SP1: variants seen among roughly 807,000 people sequenced by gnomAD.
SP1 encodes Sp1 transcription factor.
In SP1, 6 loss-of-function variants were observed where a neutral mutation model predicts 66.3. The ratio of observed to expected loss-of-function variants is 0.09; its 90% CI spans 0.05 to 0.18. SP1 has a LOEUF of 0.18. Ranked by LOEUF, SP1 falls within the 10% of genes least tolerant of loss-of-function variation. SP1 has a pLI of 1.00. For missense variants in SP1, 848 were observed against 964.5 expected (o/e 0.88, Z 1.60); for synonymous variants, 417 against 360.8 (o/e 1.16, Z -1.77).
intron 3 of SP1, among the ~76,000 whole-genome samples, chr12:53,392,582 C>T (rs550597272): frequency 2.0e-5 from 3 of 151,672 alleles, no homozygotes; most frequent in Admixed American, 2.0e-4. Flanking sequence ...TGGTCTCGAT[C>T]TCCTGACCTC....
At chr12:53,403,907 C>T (rs1938668118) in intron 3 of SP1, among the ~76,000 whole-genome samples, 1 of 151,932 alleles carries the variant, frequency 6.6e-6, no homozygotes, top group African/African-American at 2.4e-5. Context: ...CACGGTGGCT[C>T]ACGCCTGTAA....
In SP1 at chr12:53,380,228, T is replaced by C. The variant is rs999897981; in HGVS notation, c.-64T>C. ...TCGCTTGCCTCGTCAGCGTCCGCGT[T>C]TTTCCCGGCCCCCCCCAACCCCCCC... is the stretch of plus-strand genomic sequence containing the variant. On this transcript the variant is annotated 5_prime_UTR_variant, in exon 1 of 6. Transcript: ENST00000327443. 1 of 1,267,386 alleles carries C rather than the reference T, an allele frequency of 7.9e-7. No homozygotes were observed. The highest frequency in any genetic ancestry group is 1.5e-5 in the African/African-American group (1 of 68,016). 78.5% of individuals were successfully genotyped at this position (1,267,386 alleles called of 1,614,324 possible).
At chr12:53,392,347 A>AT (rs574953864) in intron 3 of SP1, among the ~76,000 whole-genome samples, 1,319 of 85,344 alleles carry the variant, frequency 0.015, 65 homozygotes, top group Non-Finnish European at 0.018. Context: ...CACCTGGCTA[A>AT]TTTTTTTTTT....
intron 3 of SP1, among the ~76,000 whole-genome samples, chr12:53,387,068 A>G (rs1938246687): frequency 6.6e-6 from 1 of 150,548 alleles, no homozygotes; most frequent in African/African-American, 2.5e-5. Context: ...CTTCTGCCTC[A>G]GCCTCCCGAG....
At chr12:53,390,225 C>T (rs1314066927) in intron 3 of SP1, among the ~76,000 whole-genome samples, 1 of 152,020 alleles carries the variant, frequency 6.6e-6, no homozygotes, top group South Asian at 2.1e-4. Context: ...AATGTTTCTG[C>T]GTCTTTTGTC....
chr12:53,384,345 C>T (rs1310733009), intron 3 of SP1, among the ~76,000 whole-genome samples: 4 of 151,028 alleles, frequency 2.6e-5, no homozygotes, highest in Non-Finnish European at 4.4e-5. Flanking sequence ...AGTGCAGTGG[C>T]GTGATCTCGG....
intron 1 of SP1, 98 bp from the exon 2 acceptor site, chr12:53,381,561 G>C: frequency 1.7e-6 from 2 of 1,145,712 alleles, no homozygotes; most frequent in Non-Finnish European, 2.4e-6. Flanking sequence ...TCGCCTTCCT[G>C]TTAGTCATTG....
At chr12:53,391,126 AAAGC>A (rs1269615428) in intron 3 of SP1, among the ~76,000 whole-genome samples, 37 of 152,126 alleles carry the variant, frequency 2.4e-4, no homozygotes, top group African/African-American at 8.9e-4. Context: ...ATTTAATAGA[AAAGC>A]AAGCACATTA....
intron 3 of SP1, among the ~76,000 whole-genome samples, chr12:53,397,464 AT>A (rs62722560): frequency 0.11 from 15,446 of 137,256 alleles, 2,598 homozygotes; most frequent in African/African-American, 0.38. Context: ...TAATATAGTA[AT>A]TTTTTTTTTT....
intron 3 of SP1, among the ~76,000 whole-genome samples, chr12:53,384,667 T>G (rs913284344): frequency 6.6e-6 from 1 of 152,190 alleles, no homozygotes; most frequent in Admixed American, 6.5e-5. Flanking sequence ...TTCTTTGGCC[T>G]GTAGGCCAAC....
intron 1 of SP1, 22 bp downstream of exon 1, chr12:53,380,320 G>C (rs746061567): frequency 2.0e-6 from 3 of 1,531,294 alleles, no homozygotes; most frequent in Non-Finnish European, 2.6e-6. Context: ...TCCACTCCAA[G>C]CTTAGGGGTG....
intron 3 of SP1, among the ~76,000 whole-genome samples, chr12:53,403,900 G>A (rs1027326057): frequency 4.0e-5 from 6 of 151,864 alleles, no homozygotes; most frequent in South Asian, 4.2e-4. Flanking sequence ...GGCCGGGCAC[G>A]GTGGCTCACG....
rs758184028 is a variant in SP1 at position 53,382,174 on chromosome 12, A to G, written c.227A>G (p.Glu76Gly). ...TGCAGCAGAATTGAGTCACCCAATG[A>G]GAACAGCAACAACTCCCAGGGCCCG... ...ATCSRIESPN[E>G]NSNNSQGPSQ... The change falls in exon 3 of 6, where the codon GAG (glutamate) becomes GGG (glycine). Residue 76 changes from glutamate to glycine, a missense_variant. Physicochemically the swap from Glu to Gly is moderately conservative, Grantham distance 98 (BLOSUM62 -2). This residue lies in a region of SP1 where 606 missense variants were observed against 589.9 expected (regional missense o/e 1.03). Transcript: ENST00000327443. 1 of 1,614,148 alleles carries G rather than the reference A, an allele frequency of 6.2e-7. No homozygotes were observed. The highest frequency in any genetic ancestry group is 1.1e-5 in the South Asian group (1 of 91,082).
In SP1 at chr12:53,411,252, C is replaced by T. The variant is rs372626037; in HGVS notation, c.*12C>T. 101 of 1,601,402 alleles carry T rather than the reference C, an allele frequency of 6.3e-5. No individual in the cohort carries two copies. The highest frequency in any genetic ancestry group is 7.5e-5 in the Non-Finnish European group (88 of 1,173,120). On this transcript the variant is annotated 3_prime_UTR_variant, in exon 6 of 6. Transcript: ENST00000327443. ...GCAATGGCTTCTGAGATCAGGCACC[C>T]GGGGCCAGAGACATATGGGCCATAC... is the stretch of plus-strand genomic sequence containing the variant.
chr12:53,385,594 C>CA (rs146062441), intron 3 of SP1, among the ~76,000 whole-genome samples: 4,147 of 111,440 alleles, frequency 0.037, 101 homozygotes, highest in Middle Eastern at 0.092. Context: ...GACTCCGTCT[C>CA]AAAAAAAAAA....
chr12:53,410,600 G>A (rs1241935107), intron 5 of SP1, among the ~76,000 whole-genome samples: 5 of 152,006 alleles, frequency 3.3e-5, no homozygotes, highest in African/African-American at 2.4e-5. Flanking sequence ...CGCCTCCCGG[G>A]TCCACGCCAT....
At chr12:53,404,556 A>G (rs545753977) in intron 3 of SP1, among the ~76,000 whole-genome samples, 1 of 152,168 alleles carries the variant, frequency 6.6e-6, no homozygotes, top group African/African-American at 2.4e-5. Context: ...AAAAAAAAAA[A>G]AAGAATATTA....
At chr12:53,402,427 T>C (rs1938626695) in intron 3 of SP1, among the ~76,000 whole-genome samples, 1 of 150,024 alleles carries the variant, frequency 6.7e-6, no homozygotes, top group Non-Finnish European at 1.5e-5. Context: ...TTTCACCATC[T>C]TGGCCAGGCT....
At chr12:53,391,846 C>A (rs1429847947) in intron 3 of SP1, among the ~76,000 whole-genome samples, 2 of 151,668 alleles carry the variant, frequency 1.3e-5, no homozygotes, top group African/African-American at 4.8e-5. Context: ...TGAGAACATG[C>A]AGTATTTTGT....
Sources: gnomAD v4.1 joint callset for allele counts (sites outside exome capture counted in the v4.1 genomes callset) on GRCh38, gnomAD v4.1.1 for gene constraint, gnomAD v4.1.1 regional missense constraint, MANE v1.5 for transcripts, NCBI Gene and HGNC (gene_info 2026-07-23, HGNC 2026-07-21) for gene names.